Variants in FLVCR2 observed in about 807,000 individuals in gnomAD.
FLVCR2 encodes choline/ethanolamine transporter FLVCR2.
In FLVCR2, 38 loss-of-function variants were observed where a neutral mutation model predicts 48.9. The ratio of observed to expected loss-of-function variants is 0.78; its 90% CI spans 0.60 to 1.02. The LOEUF is 1.02. Among genes scored for constraint, FLVCR2 ranks in the 50% least tolerant of loss-of-function variants. The pLI is 0.00. For synonymous variants in FLVCR2, 255 were observed against 257.0 expected (o/e 0.99, Z 0.07); for missense variants, 664 against 663.3 (o/e 1.00, Z -0.01).
intron 1 of FLVCR2, among the ~76,000 whole-genome samples, chr14:75,580,498 T>C (rs886164670): frequency 3.9e-5 from 6 of 152,252 alleles, no homozygotes; most frequent in African/African-American, 1.2e-4. Flanking sequence ...TTGGTAATCC[T>C]GTCTCACACG....
intron 1 of FLVCR2, among the ~76,000 whole-genome samples, chr14:75,621,678 C>T (rs1324331955): frequency 6.6e-6 from 1 of 152,198 alleles, no homozygotes; most frequent in Non-Finnish European, 1.5e-5. Context: ...TTCTCCCCAG[C>T]TGGGCTCTCA....
At chr14:75,593,264 C>T (rs1431204974) in intron 1 of FLVCR2, among the ~76,000 whole-genome samples, 1 of 152,180 alleles carries the variant, frequency 6.6e-6, no homozygotes, top group African/African-American at 2.4e-5. Context: ...TACAAATTGT[C>T]TGTCTTAGAT....
Position 75,579,378 on chromosome 14 carries a change from C to T in FLVCR2, c.406C>T (p.Pro136Ser), listed in dbSNP as rs758581873. Residue 136 changes from proline (P) to serine (S), a missense_variant, in exon 1 of 10, where the codon CCT (proline) becomes TCT (serine). Physicochemically the swap from Pro to Ser is moderately conservative, Grantham distance 74 (BLOSUM62 -1). Coordinates refer to ENST00000238667, the MANE Select transcript of FLVCR2 (RefSeq NM_017791.3). ...LSMCYMLTYIPLLLPVAWLLE... is the reference protein window; with the variant it reads ...LSMCYMLTYISLLLPVAWLLE... Reference sequence around the variant, plus strand: ...CATGTGCTACATGCTGACTTACATCCCTCTGCTCCTGCCAGTGGCTTGGCT... The same window carrying T: ...CATGTGCTACATGCTGACTTACATCTCTCTGCTCCTGCCAGTGGCTTGGCT... The T allele has an allele frequency of 6.2e-7, 1 of 1,614,242 alleles. No homozygotes were observed. Among genetic ancestry groups the T allele is most frequent in the Non-Finnish European group, 8.5e-7 (1 of 1,180,054 alleles).
chr14:75,610,434 C>T (rs573111326), intron 1 of FLVCR2, among the ~76,000 whole-genome samples: 87 of 143,418 alleles, frequency 6.1e-4, no homozygotes, highest in African/African-American at 2.4e-3. Context: ...AAATAAAACA[C>T]GGCCTTTGTC....
chr14:75,605,724 C>A (rs1889275186), intron 1 of FLVCR2: 1 of 1,154,716 alleles, frequency 8.7e-7, no homozygotes, highest in Non-Finnish European at 1.2e-6. Context: ...CCTCCGATTG[C>A]TTCTCCAGAG....
intron 1 of FLVCR2, among the ~76,000 whole-genome samples, chr14:75,580,828 CT>C (rs1261536773): frequency 4.6e-5 from 7 of 152,122 alleles, no homozygotes; most frequent in Non-Finnish European, 8.8e-5. Context: ...GCTATTTTCA[CT>C]TTTTTTGTGG....
At chr14:75,596,087 A>C (rs539264933) in intron 1 of FLVCR2, 5 of 1,118,796 alleles carry the variant, frequency 4.5e-6, no homozygotes, top group South Asian at 2.5e-5. Context: ...GTTTTTCCCA[A>C]ATTTCTGTCT....
At position 75,639,609 on chromosome 14, in the gene FLVCR2, T is replaced by C. The variant is rs1890258704; in HGVS notation, c.1235+147T>C. 5.6e-6 allele frequency: 4 copies of C among 709,396 alleles called. No homozygotes were observed. The Admixed American group carries it at 8.1e-5, about 14-fold the overall frequency. The allele number at this position is 709,396 out of a possible 1,614,324, so 43.9% of individuals were successfully genotyped here. The stretch of plus-strand genomic sequence containing the variant: ...ACATGGTGCCCAGGGGTCTCGGTAA[T>C]ACTTGTAGTACTTCCAAAGGCAGCC... On this transcript the variant is annotated intron_variant, in intron 6 of 9. Transcript: ENST00000238667.
At chr14:75,581,922 C>CA (rs1888619384) in intron 1 of FLVCR2, among the ~76,000 whole-genome samples, 1 of 152,116 alleles carries the variant, frequency 6.6e-6, no homozygotes, top group African/African-American at 2.4e-5. Context: ...GAAATGACAA[C>CA]AGAATAGAAT....
rs114086095 is a variant in FLVCR2, at chr14:75,644,802, G to A, written c.1510-1599G>A. Among the ~76,000 whole-genome samples the A allele has an allele frequency of 8.1e-3, 1,232 of 152,236 alleles. 8 individuals carry two copies. The highest frequency in any genetic ancestry group is 0.02 in the Middle Eastern group (6 of 294). ...AGAGTCAGGTGAAGACTGGGCACAC[G>A]GCAGATCTGGCCAGACCTGCTCTTT... On this transcript the variant is annotated intron_variant, in intron 9 of 9. Transcript: ENST00000238667.
chr14:75,631,774 A>G (rs558319421), intron 3 of FLVCR2: 114 of 456,036 alleles, frequency 2.5e-4, no homozygotes, highest in African/African-American at 2.1e-3. Context: ...CTTTTCAGGA[A>G]TGTCTCCTTA....
chr14:75,640,788 T>C (rs2140054248), intron 6 of FLVCR2, 167 bp from the exon 7 acceptor site: 2 of 670,358 alleles, frequency 3.0e-6, no homozygotes, highest in Non-Finnish European at 5.4e-6. Flanking sequence ...GGGGTGCCCG[T>C]CTCCTTGGTA....
chr14:75,579,978 C>T (rs1269489805), intron 1 of FLVCR2, among the ~76,000 whole-genome samples: 1 of 152,270 alleles, frequency 6.6e-6, no homozygotes, highest in Non-Finnish European at 1.5e-5. Context: ...AGCCCCTGGG[C>T]ATCAGACTAT....
chr14:75,645,217 A>G (rs10130308), intron 9 of FLVCR2, among the ~76,000 whole-genome samples: 8,628 of 152,222 alleles, frequency 0.057, 384 homozygotes, highest in African/African-American at 0.12. Context: ...TGTCTCCATT[A>G]CCACAAACAG....
At chr14:75,642,073 G>A in intron 9 of FLVCR2, 175 bp downstream of exon 9, 1 of 643,804 alleles carries the variant, frequency 1.6e-6, no homozygotes. Flanking sequence ...GGCATCTTTG[G>A]CATTGCGTTC....
At chr14:75,584,004 A>C (rs928365720) in intron 1 of FLVCR2, among the ~76,000 whole-genome samples, 17 of 152,198 alleles carry the variant, frequency 1.1e-4, no homozygotes, top group African/African-American at 4.1e-4. Context: ...TTTGGGCTCC[A>C]GGGGCTTTAG....
At chr14:75,620,090 A>G (rs1184372039) in intron 1 of FLVCR2, among the ~76,000 whole-genome samples, 2 of 152,178 alleles carry the variant, frequency 1.3e-5, no homozygotes, top group Non-Finnish European at 1.5e-5. Context: ...CCAGACCTCC[A>G]ACTCCAAAGT....
intron 2 of FLVCR2, 138 bp downstream of exon 2, chr14:75,622,358 T>C: frequency 1.1e-6 from 1 of 918,544 alleles, no homozygotes; most frequent in Non-Finnish European, 1.8e-6. Flanking sequence ...CTTCTTATGG[T>C]CTTCAAATGT....
At chr14:75,584,023 G>A (rs1361658508) in intron 1 of FLVCR2, among the ~76,000 whole-genome samples, 2 of 152,174 alleles carry the variant, frequency 1.3e-5, no homozygotes, top group Admixed American at 6.5e-5. Flanking sequence ...AGGAGTGGCC[G>A]CGATGTGAGT....
Sources: gnomAD v4.1 joint callset for allele counts (sites outside exome capture counted in the v4.1 genomes callset) on GRCh38, gnomAD v4.1.1 for gene constraint, MANE v1.5 for transcripts, NCBI Gene and HGNC (gene_info 2026-07-23, HGNC 2026-07-21) for gene names.